The following NUGGC variants were observed in gnomAD, a reference collection of about 807,000 sequenced individuals.
The protein encoded by NUGGC is nuclear GTPase, germinal center associated, also known as nuclear GTPase SLIP-GC.
In NUGGC, 58 loss-of-function variants were observed where a neutral mutation model predicts 92.6. The observed-to-expected ratio is 0.63, with a 90% CI of 0.51 to 0.78. The LOEUF is 0.78. Among genes scored for constraint, NUGGC ranks in the 30% least tolerant of loss-of-function variants. The pLI is 0.00. For synonymous variants in NUGGC, 376 were observed against 366.4 expected (o/e 1.03, Z -0.30); for missense variants, 925 against 964.6 (o/e 0.96, Z 0.54).
chr8:28,027,013 T>C lies in NUGGC; in HGVS notation c.2194A>G (p.Met732Val), dbSNP rs1809280810. Reference sequence around the variant, plus strand: ...CCCTGGGACGAAGCAAGGGCCAGCATAGTGGTGATGCTGCCCTTCACCTTC... The same window carrying C: ...CCCTGGGACGAAGCAAGGGCCAGCACAGTGGTGATGCTGCCCTTCACCTTC... Reference protein sequence around the residue: ...VEKVKGSITTMLALASSQGDG... With the variant: ...VEKVKGSITTVLALASSQGDG... The change falls in exon 18 of 19, where the codon ATG becomes GTG. Residue 732 changes from methionine to valine, a missense_variant. Coordinates refer to ENST00000413272, the MANE Select transcript of NUGGC (RefSeq NM_001010906.2). 2 of 1,613,838 alleles carry C rather than the reference T, an allele frequency of 1.2e-6. No individual in the cohort carries two copies. Among genetic ancestry groups the C allele is most frequent in the East Asian group, 4.5e-5 (2 of 44,878 alleles).
At chr8:28,062,020 A>G (rs555737184) in intron 7 of NUGGC, among the ~76,000 whole-genome samples, 1 of 152,332 alleles carries the variant, frequency 6.6e-6, no homozygotes, top group African/African-American at 2.4e-5. Context: ...TTTAAAAAGC[A>G]GAACTGCTCT....
At chr8:28,080,627 A>G (rs1253305669) in intron 1 of NUGGC, among the ~76,000 whole-genome samples, 2 of 152,120 alleles carry the variant, frequency 1.3e-5, no homozygotes, top group Admixed American at 6.5e-5. Context: ...GATAGATATA[A>G]TTTTTTGTAT....
At chr8:28,049,624 C>A (rs118091017) in intron 10 of NUGGC, among the ~76,000 whole-genome samples, 3 of 152,284 alleles carry the variant, frequency 2.0e-5, no homozygotes, top group Non-Finnish European at 4.4e-5. Context: ...ACAGCTACAG[C>A]TAGAGGTAGG....
At chr8:28,070,615 A>G (rs1172263017) in intron 2 of NUGGC, among the ~76,000 whole-genome samples, 2 of 150,472 alleles carry the variant, frequency 1.3e-5, no homozygotes, top group Non-Finnish European at 1.5e-5. Flanking sequence ...TGGTAGAGAC[A>G]GGGGTCTTAC....
intron 12 of NUGGC, 56 bp downstream of exon 12, chr8:28,045,471 A>G: frequency 6.5e-7 from 1 of 1,528,540 alleles, no homozygotes; most frequent in East Asian, 2.3e-5. Flanking sequence ...AACTTGGTAA[A>G]AGGAAATGTC....
chr8:28,074,286 T>C (rs1585604217), intron 2 of NUGGC, 82 bp downstream of exon 2: 1 of 945,330 alleles, frequency 1.1e-6, no homozygotes. Flanking sequence ...CAGTGAAATA[T>C]AGTCCCAACC....
intron 1 of NUGGC, among the ~76,000 whole-genome samples, chr8:28,076,802 C>T (rs1810733657): frequency 6.6e-6 from 1 of 152,160 alleles, no homozygotes; most frequent in Non-Finnish European, 1.5e-5. Flanking sequence ...AATGCATTAC[C>T]TTACAGCTGC....
At chr8:28,055,125 C>T (rs576802520) in intron 10 of NUGGC, among the ~76,000 whole-genome samples, 2 of 151,750 alleles carry the variant, frequency 1.3e-5, no homozygotes, top group East Asian at 3.9e-4. Context: ...TGGTGGCATG[C>T]ACCTGTAATC....
chr8:28,035,568 A>T (rs1809533724), intron 13 of NUGGC, among the ~76,000 whole-genome samples: 1 of 152,118 alleles, frequency 6.6e-6, no homozygotes, highest in Admixed American at 6.5e-5. Flanking sequence ...TTCAGTACAC[A>T]AAGGCGTCCC....
Position 28,045,771 on chromosome 8 carries a change from AT to A in NUGGC, c.1313-112del, listed in dbSNP as rs541499134. 3,293 of 1,192,042 alleles carry A rather than the reference AT, an allele frequency of 2.8e-3. 8 individuals carry two copies. Among genetic ancestry groups the A allele is most frequent in the Non-Finnish European group, 3.3e-3 (2,773 of 849,052 alleles). 73.8% of individuals were successfully genotyped at this position (1,192,042 alleles called of 1,614,324 possible). A position where few individuals can be genotyped will look rare whatever the true frequency, so the allele number is the denominator to read the frequency against. ...GCGATATGAATGAAGTAGAGTTGAG[AT>A]CCCAAGTGGGCTGGATGCCTACAGA... On this transcript the variant is annotated intron_variant, in intron 11 of 18. Transcript: ENST00000413272.
intron 14 of NUGGC, among the ~76,000 whole-genome samples, chr8:28,032,820 A>G (rs1809457460): frequency 6.6e-6 from 1 of 151,934 alleles, no homozygotes; most frequent in Admixed American, 6.6e-5. Flanking sequence ...GTATGTGAGC[A>G]GGCAGAGTGT....
chr8:28,067,095 C>T (rs973359776), intron 6 of NUGGC, among the ~76,000 whole-genome samples: 2 of 152,252 alleles, frequency 1.3e-5, no homozygotes, highest in South Asian at 2.1e-4. Context: ...ACAATGGGGG[C>T]GACGGAAGGC....
intron 6 of NUGGC, among the ~76,000 whole-genome samples, chr8:28,065,873 T>C (rs1251636011): frequency 6.6e-6 from 1 of 152,158 alleles, no homozygotes; most frequent in South Asian, 2.1e-4. Context: ...CTTTAAGACA[T>C]TGTAATTTTA....
intron 3 of NUGGC, chr8:28,070,030 T>C (rs1810546928): frequency 1.2e-6 from 1 of 865,114 alleles, no homozygotes; most frequent in African/African-American, 1.8e-5. Flanking sequence ...TTTGTTCTAA[T>C]CTGGAAGAAG....
chr8:28,045,402 C>T, intron 12 of NUGGC, 125 bp downstream of exon 12: 2 of 859,662 alleles, frequency 2.3e-6, no homozygotes, highest in East Asian at 2.7e-5. Flanking sequence ...CTTTTAGACT[C>T]ACTGAACTTC....
chr8:28,072,738 G>A (rs983353333), intron 2 of NUGGC, among the ~76,000 whole-genome samples: 2 of 151,992 alleles, frequency 1.3e-5, no homozygotes, highest in African/African-American at 4.8e-5. Flanking sequence ...TATACCATAC[G>A]AGGGTAGTAT....
chr8:28,076,637 G>C (rs1208816249), intron 1 of NUGGC, among the ~76,000 whole-genome samples: 1 of 152,158 alleles, frequency 6.6e-6, no homozygotes, highest in Non-Finnish European at 1.5e-5. Flanking sequence ...TGATTGAAGA[G>C]TAAAGCAAAG....
chr8:28,065,831 G>C (rs1391961019), intron 6 of NUGGC, among the ~76,000 whole-genome samples: 1 of 152,218 alleles, frequency 6.6e-6, no homozygotes, highest in Admixed American at 6.5e-5. Flanking sequence ...TCAACCAAAT[G>C]ATAAACCACG....
At chr8:28,049,034 T>C (rs1018887375) in intron 10 of NUGGC, among the ~76,000 whole-genome samples, 3 of 152,144 alleles carry the variant, frequency 2.0e-5, no homozygotes, top group Admixed American at 6.5e-5. Context: ...ACCTATAGAA[T>C]GTGCATGTGC....
Sources: allele counts gnomAD v4.1 joint callset (sites outside exome capture counted in the v4.1 genomes callset), GRCh38; gene constraint gnomAD v4.1.1; transcripts MANE v1.5; gene names NCBI Gene and HGNC (gene_info 2026-07-23, HGNC 2026-07-21).